The following MAGI2 variants were observed in gnomAD, a reference collection of about 807,000 sequenced individuals.
MAGI2 encodes membrane associated guanylate kinase, WW and PDZ domain containing 2.
Under a neutral mutation model 133.3 loss-of-function variants are expected in MAGI2, and 35 were observed. The ratio of observed to expected loss-of-function variants is 0.26; its 90% CI spans 0.20 to 0.35. MAGI2 has a LOEUF of 0.35. Ranked by LOEUF, MAGI2 falls within the 10% of genes least tolerant of loss-of-function variation. The pLI, the probability that MAGI2 is intolerant of heterozygous loss-of-function variation, is 1.00. For missense variants in MAGI2, 1,636 were observed against 1,863.4 expected (o/e 0.88, Z 2.25); for synonymous variants, 729 against 710.6 (o/e 1.03, Z -0.41).
intron 16 of MAGI2, among the ~76,000 whole-genome samples, chr7:78,145,459 T>C (rs571737475): frequency 1.8e-4 from 28 of 152,312 alleles, no homozygotes; most frequent in African/African-American, 6.0e-4. Flanking sequence ...ATTTCCATTC[T>C]GTTTTTCTGG....
At chr7:79,136,125 GAAA>G (rs1821547217) in intron 1 of MAGI2, among the ~76,000 whole-genome samples, 1 of 144,840 alleles carries the variant, frequency 6.9e-6, no homozygotes, top group Non-Finnish European at 1.5e-5. Flanking sequence ...AAGAAAGAAA[GAAA>G]GACACAAAAG....
chr7:79,091,337 CT>C (rs1471822874), intron 1 of MAGI2, among the ~76,000 whole-genome samples: 1 of 152,122 alleles, frequency 6.6e-6, no homozygotes, highest in African/African-American at 2.4e-5. Flanking sequence ...AGCATCATAA[CT>C]CTTTCAGAGA....
At chr7:79,052,526 A>C (rs1305586696) in intron 1 of MAGI2, among the ~76,000 whole-genome samples, 1 of 152,138 alleles carries the variant, frequency 6.6e-6, no homozygotes. Context: ...ATTGACTTGG[A>C]TGCTCCCATG....
At chr7:78,765,706 G>A (rs1824956446) in intron 2 of MAGI2, among the ~76,000 whole-genome samples, 2 of 152,138 alleles carry the variant, frequency 1.3e-5, no homozygotes, top group Non-Finnish European at 2.9e-5. Context: ...AGATACGGTT[G>A]TGAGCAAAAT....
At chr7:79,368,620 G>A (rs1842868750) in intron 1 of MAGI2, among the ~76,000 whole-genome samples, 1 of 151,738 alleles carries the variant, frequency 6.6e-6, no homozygotes. Flanking sequence ...AGGCCGAGGC[G>A]GGCGGATCAC....
At chr7:79,350,500 C>T (rs1841615405) in intron 1 of MAGI2, among the ~76,000 whole-genome samples, 3 of 151,946 alleles carry the variant, frequency 2.0e-5, no homozygotes, top group Admixed American at 1.3e-4. Flanking sequence ...AGGACCTTGC[C>T]TAATTTTCTT....
At chr7:78,513,226 T>C (rs188288323) in intron 4 of MAGI2, among the ~76,000 whole-genome samples, 2 of 152,308 alleles carry the variant, frequency 1.3e-5, no homozygotes, top group Non-Finnish European at 2.9e-5. Context: ...AGGAAGACTT[T>C]AAATTTGATC....
At chr7:78,798,208 A>C (rs1307286460) in intron 2 of MAGI2, among the ~76,000 whole-genome samples, 1 of 152,186 alleles carries the variant, frequency 6.6e-6, no homozygotes, top group Non-Finnish European at 1.5e-5. Context: ...ATAGTTGTGA[A>C]AACTATGTAT....
At chr7:78,091,437 T>C (rs1043938404) in intron 20 of MAGI2, among the ~76,000 whole-genome samples, 2 of 152,130 alleles carry the variant, frequency 1.3e-5, no homozygotes, top group African/African-American at 4.8e-5. Flanking sequence ...GAAATAAATT[T>C]CTCTACTTTA....
chr7:78,895,067 G>T (rs1016709826), intron 2 of MAGI2, among the ~76,000 whole-genome samples: 3 of 152,284 alleles, frequency 2.0e-5, no homozygotes, highest in African/African-American at 7.2e-5. Context: ...GAATGGACTA[G>T]TCCATTCATG....
At position 78,183,450 on chromosome 7, in the gene MAGI2, G is replaced by C. The variant is rs182198111; in HGVS notation, c.2311+2179C>G. On this transcript the variant is annotated intron_variant, in intron 13 of 21. Transcript: ENST00000354212. ...CCAGCTAATTTTTGTGTTTTTAGTA[G>C]AGACGGGGTTTCACCATGTTGGCCA... Among the ~76,000 whole-genome samples, 390 of 151,936 alleles carry C rather than the reference G, an allele frequency of 2.6e-3. 2 individuals are homozygous for C. The highest frequency in any genetic ancestry group is 5.2e-3 in the South Asian group (25 of 4,802).
chr7:78,147,032 A>T (rs1165720263), intron 16 of MAGI2, among the ~76,000 whole-genome samples: 1 of 152,162 alleles, frequency 6.6e-6, no homozygotes, highest in Admixed American at 6.5e-5. Flanking sequence ...CAGGCAAATG[A>T]TCCCTCCTGA....
chr7:78,071,146 A>C (rs1389037589), intron 21 of MAGI2, among the ~76,000 whole-genome samples: 1 of 152,240 alleles, frequency 6.6e-6, no homozygotes, highest in Non-Finnish European at 1.5e-5. Context: ...AACAATAGGA[A>C]GAAATGTGAT....
At chr7:78,492,550 A>G (rs1012906375) in intron 5 of MAGI2, among the ~76,000 whole-genome samples, 4 of 152,128 alleles carry the variant, frequency 2.6e-5, no homozygotes, top group Non-Finnish European at 5.9e-5. Flanking sequence ...TAAATTACAT[A>G]TTTTAAAGCT....
chr7:78,034,999 A>G (rs73379615), intron 21 of MAGI2: 10,438 of 152,484 alleles, frequency 0.068, 531 homozygotes, highest in East Asian at 0.15. Context: ...TAGTTGAAAC[A>G]CAGGATGTGA....
At chr7:78,816,081 G>T (rs1348153020) in intron 2 of MAGI2, among the ~76,000 whole-genome samples, 3 of 152,190 alleles carry the variant, frequency 2.0e-5, no homozygotes, top group Non-Finnish European at 2.9e-5. Flanking sequence ...AGTGAACACA[G>T]AAGTGATAAG....
At chr7:78,214,793 A>T (rs1010193631) in intron 10 of MAGI2, among the ~76,000 whole-genome samples, 1 of 152,220 alleles carries the variant, frequency 6.6e-6, no homozygotes, top group Non-Finnish European at 1.5e-5. Context: ...ATTTTCTCAT[A>T]ACTACAATAG....
At chr7:78,545,991 C>T (rs1364431089) in intron 3 of MAGI2, among the ~76,000 whole-genome samples, 1 of 152,072 alleles carries the variant, frequency 6.6e-6, no homozygotes, top group Non-Finnish European at 1.5e-5. Context: ...TGAATATTTT[C>T]CCCAACACAT....
intron 2 of MAGI2, among the ~76,000 whole-genome samples, chr7:79,003,246 A>G (rs1424142000): frequency 6.6e-6 from 1 of 152,156 alleles, no homozygotes; most frequent in East Asian, 1.9e-4. Context: ...ACTCTCTCTT[A>G]CTAGGCACCA....
Sources: allele counts gnomAD v4.1 joint callset (sites outside exome capture counted in the v4.1 genomes callset), GRCh38; gene constraint gnomAD v4.1.1; transcripts MANE v1.5; gene names NCBI Gene and HGNC (gene_info 2026-07-23, HGNC 2026-07-21).